EDC4: variants seen among roughly 807,000 people sequenced by gnomAD.
EDC4 encodes enhancer of mRNA decapping 4, also known as enhancer of mRNA-decapping protein 4.
Under a neutral mutation model 155.8 loss-of-function variants are expected in EDC4, and 64 were observed. The ratio of observed to expected loss-of-function variants is 0.41; its 90% CI spans 0.34 to 0.51. EDC4 has a LOEUF of 0.51. EDC4 is among the 20% of genes least tolerant of loss of function. EDC4 has a pLI of 0.19. For missense variants in EDC4, 1,303 were observed against 1,812.5 expected (o/e 0.72, Z 5.10); for synonymous variants, 684 against 716.8 (o/e 0.95, Z 0.73).
Position 67,881,520 on chromosome 16 carries a change from TCA to T in EDC4, c.2816_2817del (p.Thr939ArgfsTer9). ...AGGGATGCAGCCATGGGATCCCGGCTCACAGAGCACCAGGTAAGTGAATGAGC... is the reference window on the plus strand; with the variant it reads ...AGGGATGCAGCCATGGGATCCCGGCTCAGAGCACCAGGTAAGTGAATGAGC... On this transcript the variant is annotated frameshift_variant, in exon 21 of 29. Transcript: ENST00000358933. LOFTEE classifies it high-confidence loss of function. This position sits in a 1 kb window ranked among gnomAD's most constrained non-coding sequence, Gnocchi z 5.4. The T allele has an allele frequency of 6.2e-7, 1 of 1,613,956 alleles. No homozygotes were observed. Among genetic ancestry groups the T allele is most frequent in the South Asian group, 1.1e-5 (1 of 91,082 alleles).
chr16:67,883,657 C>A lies in EDC4; in HGVS notation c.3939C>A (p.Leu1313=). The change falls in exon 28 of 29, where the codon CTC becomes CTA. Residue 1313 remains leucine, a synonymous_variant. Transcript: ENST00000358933. This position sits in a 1 kb window ranked among gnomAD's most constrained non-coding sequence, Gnocchi z 5.3. ...AQVFGQPPCP[L]SQPVLLSLIQ... ...TTTTTGGGCAGCCACCCTGCCCGCT[C>A]TCCCAGCCTGTGCTCCTTTCCCTCA... The A allele has an allele frequency of 6.2e-7, 1 of 1,614,230 alleles. No individual in the cohort carries two copies. The highest frequency in any genetic ancestry group is 8.5e-7 in the Non-Finnish European group (1 of 1,180,046).
chr16:67,882,441 G>A lies in EDC4; in HGVS notation c.3289G>A (p.Ala1097Thr). The A allele has an allele frequency of 6.2e-7, 1 of 1,613,702 alleles. No individual in the cohort carries two copies. The highest frequency in any genetic ancestry group is 8.5e-7 in the Non-Finnish European group (1 of 1,179,588). The change falls in exon 25 of 29, where the codon GCC becomes ACC. Residue 1097 changes from alanine to threonine, a missense_variant. Physicochemically the swap from Ala to Thr is moderately conservative, Grantham distance 58. Around this residue, in one of 5 missense-constraint regions of EDC4, gnomAD observed 527 missense variants for 757.0 expected, o/e 0.70. Coordinates refer to ENST00000358933, the MANE Select transcript of EDC4 (RefSeq NM_014329.5). This position sits in a 1 kb window ranked among gnomAD's most constrained non-coding sequence, Gnocchi z 7.2. The stretch of plus-strand genomic sequence containing the variant: ...CCTCTAACCCCAGAACTTGACTGAT[G>A]CCATCGCCCGAGCAGCTGCAGACAC... ...KLLKSKNLTD[A>T]IARAAADTLQ...
rs1424600712 is a variant in EDC4 at position 67,883,436 on chromosome 16, GCTCT to G, written c.3850-127_3850-124del. 7.1e-7 allele frequency: 1 copy of G among 1,415,878 alleles called. No homozygotes were observed. The highest frequency in any genetic ancestry group is 9.6e-7 in the Non-Finnish European group (1 of 1,036,666). The allele number at this position is 1,415,878 out of a possible 1,614,324, so 87.7% of individuals were successfully genotyped here. Reference sequence around the variant, plus strand: ...CTAGGGTAACTACACAGCCCTACAGGCTCTCTCTGAGTCCCTCTGGAGCTCTCAC... The same window carrying G: ...CTAGGGTAACTACACAGCCCTACAGGCTCTGAGTCCCTCTGGAGCTCTCAC... On this transcript the variant is annotated intron_variant, in intron 27 of 28. Transcript: ENST00000358933. The surrounding 1 kb of genome is among the most constrained non-coding windows in gnomAD (Gnocchi z 5.3).
Position 67,883,215 on chromosome 16 carries a change from C to G in EDC4, c.3849+38C>G. 2 of 1,521,712 alleles carry G rather than the reference C, an allele frequency of 1.3e-6. No individual in the cohort carries two copies. The highest frequency in any genetic ancestry group is 2.0e-5 in the Admixed American group (1 of 50,230). 94.3% of individuals were successfully genotyped at this position (1,521,712 alleles called of 1,614,324 possible). A position where few individuals can be genotyped will look rare whatever the true frequency, so the allele number is the denominator to read the frequency against. On this transcript the variant is annotated intron_variant, in intron 27 of 28. Transcript: ENST00000358933. This position sits in a 1 kb window ranked among gnomAD's most constrained non-coding sequence, Gnocchi z 5.3. ...TTAGGCCCTGCTAAGGGTCACGTGT[C>G]TCTTGACAAGGCCCACATACCATAC...
rs374187596 is a variant in EDC4, at chr16:67,881,816, G to T, written c.2975G>T (p.Arg992Leu). The stretch of plus-strand genomic sequence containing the variant: ...AGCACAGTCACAGGCCACGTAGAAC[G>T]TGCCCTTGAGACTCGGCACGAGCAG... ...LQSTVTGHVE[R>L]ALETRHEQEQ... The change falls in exon 22 of 29, where the codon CGT (arginine) becomes CTT (leucine). Residue 992 changes from arginine (R) to leucine (L), a missense_variant. By Grantham distance (102) the Arg-to-Leu change is moderately radical. Transcript: ENST00000358933. This position sits in a 1 kb window ranked among gnomAD's most constrained non-coding sequence, Gnocchi z 5.4. 1 of 1,613,796 alleles carries T rather than the reference G, an allele frequency of 6.2e-7. No individual in the cohort carries two copies. Among genetic ancestry groups the T allele is most frequent in the Non-Finnish European group, 8.5e-7 (1 of 1,179,720 alleles).
Position 67,881,235 on chromosome 16 carries a change from G to A in EDC4, c.2637-30G>A. ...TGGGGGGATGGGCAGCAAGTGGGCA[G>A]GGGCTTACTCCTCCTTCCCCTTCCC... On this transcript the variant is annotated intron_variant, in intron 19 of 28. Coordinates refer to ENST00000358933, the MANE Select transcript of EDC4 (RefSeq NM_014329.5). The surrounding 1 kb of genome is among the most constrained non-coding windows in gnomAD (Gnocchi z 5.4). The A allele has an allele frequency of 6.2e-7, 1 of 1,614,024 alleles. No individual in the cohort carries two copies. Among genetic ancestry groups the A allele is most frequent in the Non-Finnish European group, 8.5e-7 (1 of 1,179,984 alleles).
rs1166653999 is a variant in EDC4, at chr16:67,880,005, G to A, written c.1943+34G>A. ...AGGGTCAGAGATGGAGGATGGCAGGGGCTGGTACCAGATGATGCCAAGCTC... is the reference window on the plus strand; with the variant it reads ...AGGGTCAGAGATGGAGGATGGCAGGAGCTGGTACCAGATGATGCCAAGCTC... On this transcript the variant is annotated intron_variant, in intron 16 of 28. Coordinates refer to ENST00000358933, the MANE Select transcript of EDC4 (RefSeq NM_014329.5). This position sits in a 1 kb window ranked among gnomAD's most constrained non-coding sequence, Gnocchi z 5.2. The A allele has an allele frequency of 6.3e-7, 1 of 1,591,654 alleles. No homozygotes were observed. Among genetic ancestry groups the A allele is most frequent in the Non-Finnish European group, 8.6e-7 (1 of 1,165,438 alleles).
rs747390521 is a variant in EDC4 at position 67,883,606 on chromosome 16, G to C, written c.3888G>C (p.Val1296=). 16 of 1,614,004 alleles carry C rather than the reference G, an allele frequency of 9.9e-6. No individual in the cohort carries two copies. Among genetic ancestry groups the C allele is most frequent in the Non-Finnish European group, 1.2e-5 (14 of 1,180,046 alleles). The part of the protein sequence containing the change: ...TAADLNLVLY[V]CETVDPAQVF... ...CTGACCTGAACCTGGTGCTGTATGT[G>C]TGTGAAACTGTGGACCCAGCCCAGG... The change falls in exon 28 of 29, where the codon GTG becomes GTC. Residue 1296 remains valine, a synonymous_variant. Transcript: ENST00000358933. The surrounding 1 kb of genome is among the most constrained non-coding windows in gnomAD (Gnocchi z 5.3).
In EDC4 at chr16:67,876,531, G is replaced by T; in HGVS notation, c.283G>T (p.Ala95Ser). The change falls in exon 3 of 29, where the codon GCC becomes TCC. Residue 95 changes from alanine (A) to serine (S), a missense_variant. Physicochemically the swap from Ala to Ser is moderately conservative, Grantham distance 99. This residue lies in a region of EDC4 where 51 missense variants were observed against 121.1 expected (regional missense o/e 0.42). Coordinates refer to ENST00000358933, the MANE Select transcript of EDC4 (RefSeq NM_014329.5). This position sits in a 1 kb window ranked among gnomAD's most constrained non-coding sequence, Gnocchi z 5.8. ...TAGCTCCACCTGCATTGGGATTTTG[G>T]CCAAGGAGGTGGAGATTGTGGCTAG... ...DDSSTCIGIL[A>S]KEVEIVASSD... 6.2e-7 allele frequency: 1 copy of T among 1,614,158 alleles called. No homozygotes were observed. Among genetic ancestry groups the T allele is most frequent in the Non-Finnish European group, 8.5e-7 (1 of 1,180,030 alleles).
At position 67,882,074 on chromosome 16, in the gene EDC4, G is replaced by C. The variant is rs546912925; in HGVS notation, c.3125G>C (p.Ser1042Thr). 5.6e-6 allele frequency: 9 copies of C among 1,613,734 alleles called. No individual in the cohort carries two copies. In the South Asian group the frequency reaches 9.9e-5, roughly 18 times the overall value. Reference sequence around the variant, plus strand: ...GCTGTAGCTGGGCGGCTAGAGCGCAGCATACGGGATGAGATCAAGAAGACA... The same window carrying C: ...GCTGTAGCTGGGCGGCTAGAGCGCACCATACGGGATGAGATCAAGAAGACA... ...SSAVAGRLER[S>T]IRDEIKKTVP... The change falls in exon 23 of 29, where the codon AGC (serine) becomes ACC (threonine). Residue 1042 changes from serine (S) to threonine (T), a missense_variant. Around this residue, in one of 5 missense-constraint regions of EDC4, gnomAD observed 527 missense variants for 757.0 expected, o/e 0.70. Transcript: ENST00000358933. The surrounding 1 kb of genome is among the most constrained non-coding windows in gnomAD (Gnocchi z 7.2).
chr16:67,882,797 G>A lies in EDC4; in HGVS notation c.3561G>A (p.Gln1187=). 1.2e-6 allele frequency: 2 copies of A among 1,614,200 alleles called. No individual in the cohort carries two copies. The highest frequency in any genetic ancestry group is 1.7e-6 in the Non-Finnish European group (2 of 1,180,032). ...LVSTLQSATE[Q]MAATVAGSVR... is the part of the protein sequence containing the mutation. Reference sequence around the variant, plus strand: ...GCACACTGCAGAGTGCCACTGAGCAGATGGCAGCCACCGTGGCCGGCAGTG... The same window carrying A: ...GCACACTGCAGAGTGCCACTGAGCAAATGGCAGCCACCGTGGCCGGCAGTG... The change falls in exon 26 of 29, where the codon CAG becomes CAA. Residue 1187 remains glutamine, a synonymous_variant. Transcript: ENST00000358933. The surrounding 1 kb of genome is among the most constrained non-coding windows in gnomAD (Gnocchi z 7.2).
In EDC4 at chr16:67,881,579, C is replaced by T. The variant is rs758980554; in HGVS notation, c.2826+46C>T. On this transcript the variant is annotated intron_variant, in intron 21 of 28. Coordinates refer to ENST00000358933, the MANE Select transcript of EDC4 (RefSeq NM_014329.5). The surrounding 1 kb of genome is among the most constrained non-coding windows in gnomAD (Gnocchi z 5.4). ...TGTACTTGTGGAACTTCACCCTGGG[C>T]GGGTGGAGAAGGGCTCTGGGCCATT... The T allele has an allele frequency of 8.7e-5, 141 of 1,612,872 alleles. No individual in the cohort carries two copies. Among genetic ancestry groups the T allele is most frequent in the East Asian group, 5.8e-4 (26 of 44,870 alleles).
rs903329206 is a variant in EDC4 at position 67,882,412 on chromosome 16, C to T, written c.3277-17C>T. 6 of 1,612,500 alleles carry T rather than the reference C, an allele frequency of 3.7e-6. No individual in the cohort carries two copies. In the Admixed American group the frequency reaches 8.3e-5, roughly 22 times the overall value. ...CTGGGCTCAGGCTTTCAACTTGGCC[C>T]CTCCCTCTAACCCCAGAACTTGACT... is the stretch of plus-strand genomic sequence containing the variant. On this transcript the variant is annotated splice_polypyrimidine_tract_variant and intron_variant, in intron 24 of 28. Coordinates refer to ENST00000358933, the MANE Select transcript of EDC4 (RefSeq NM_014329.5). This position sits in a 1 kb window ranked among gnomAD's most constrained non-coding sequence, Gnocchi z 7.2.
Position 67,881,300 on chromosome 16 carries a change from C to T in EDC4, c.2672C>T (p.Ala891Val), listed in dbSNP as rs2058066832. 6.2e-7 allele frequency: 1 copy of T among 1,614,018 alleles called. No homozygotes were observed. Among genetic ancestry groups the T allele is most frequent in the Non-Finnish European group, 8.5e-7 (1 of 1,180,034 alleles). The change falls in exon 20 of 29, where the codon GCT becomes GTT. Residue 891 changes from alanine to valine, a missense_variant. By Grantham distance (64) the Ala-to-Val change is moderately conservative (BLOSUM62 0). Coordinates refer to ENST00000358933, the MANE Select transcript of EDC4 (RefSeq NM_014329.5). This position sits in a 1 kb window ranked among gnomAD's most constrained non-coding sequence, Gnocchi z 5.4. The part of the protein sequence containing the change: ...HDDEVASLAS[A>V]SGGFGTKVPA... Reference sequence around the variant, plus strand: ...GATGAGGTGGCCAGCCTTGCCTCTGCTTCAGGAGGCTTTGGCACCAAAGTT... The same window carrying T: ...GATGAGGTGGCCAGCCTTGCCTCTGTTTCAGGAGGCTTTGGCACCAAAGTT...
rs759373406 is a variant in EDC4, at chr16:67,880,533, GC to G, written c.2098-19del. ...CTCTGCCTCACTTCCTGTCACTTAA[GC>G]CCCCATCTTTGGCCCACCTCAGGTG... is the stretch of plus-strand genomic sequence containing the variant. On this transcript the variant is annotated intron_variant, in intron 17 of 28. Transcript: ENST00000358933. This position sits in a 1 kb window ranked among gnomAD's most constrained non-coding sequence, Gnocchi z 5.2. 4 of 1,608,056 alleles carry G rather than the reference GC, an allele frequency of 2.5e-6. No homozygotes were observed. In the African/African-American group the frequency reaches 5.4e-5, roughly 22 times the overall value.
At chr16:67,875,765 T>C (rs1216159731) in intron 1 of EDC4, 180 bp from the exon 2 acceptor site, 1 of 1,421,834 alleles carries the variant, frequency 7.0e-7, no homozygotes, top group African/African-American at 1.4e-5. Context: ...TCATCCTTGG[T>C]CCTGCCTACA....
Position 67,873,240 on chromosome 16 carries a change from C to A in EDC4, c.-22C>A. The A allele has an allele frequency of 7.2e-7, 1 of 1,382,916 alleles. No homozygotes were observed. Among genetic ancestry groups the A allele is most frequent in the African/African-American group, 1.5e-5 (1 of 65,600 alleles). 85.7% of individuals were successfully genotyped at this position (1,382,916 alleles called of 1,614,324 possible). ...GGCGGCGGAACGAACGCGGTGCGGGCGGGGCGCCCGCCGCAGGGCCCATGG... is the reference window on the plus strand; with the variant it reads ...GGCGGCGGAACGAACGCGGTGCGGGAGGGGCGCCCGCCGCAGGGCCCATGG... On this transcript the variant is annotated 5_prime_UTR_variant, in exon 1 of 29. Transcript: ENST00000358933.
chr16:67,882,893 G>C lies in EDC4; in HGVS notation c.3629+28G>C. 1.2e-6 allele frequency: 2 copies of C among 1,614,062 alleles called. No individual in the cohort carries two copies. The highest frequency in any genetic ancestry group is 1.7e-6 in the Non-Finnish European group (2 of 1,179,930). On this transcript the variant is annotated intron_variant, in intron 26 of 28. Transcript: ENST00000358933. This position sits in a 1 kb window ranked among gnomAD's most constrained non-coding sequence, Gnocchi z 7.2. ...GTGTGGGCAGAGTACTGGGCAAGGT[G>C]GTGGGCTTGAGAAAGGCCAGACTAG... is the stretch of plus-strand genomic sequence containing the variant.
chr16:67,880,231 G>A lies in EDC4; in HGVS notation c.2097+15G>A. The A allele has an allele frequency of 2.5e-6, 4 of 1,590,364 alleles. No homozygotes were observed. Among genetic ancestry groups the A allele is most frequent in the Non-Finnish European group, 3.4e-6 (4 of 1,170,502 alleles). On this transcript the variant is annotated intron_variant, in intron 17 of 28. Transcript: ENST00000358933. The surrounding 1 kb of genome is among the most constrained non-coding windows in gnomAD (Gnocchi z 5.2). The stretch of plus-strand genomic sequence containing the variant: ...GGCCGGGCCAGGTGTGTGACTGGGT[G>A]TGTGTGTGAAGTGTGGGGAGCAGGT...
Sources: allele counts gnomAD v4.1 joint callset, GRCh38; gene constraint gnomAD v4.1.1; regional missense constraint gnomAD v4.1.1; non-coding constraint Gnocchi (gnomAD v3.1); transcripts MANE v1.5; gene names NCBI Gene and HGNC (gene_info 2026-07-23, HGNC 2026-07-21).